The following MEIS2 variants were observed in gnomAD, a reference collection of about 807,000 sequenced individuals.
MEIS2 encodes the protein Meis homeobox 2.
A neutral mutation model predicts 58.6 loss-of-function variants in MEIS2; 9 were observed. The observed-to-expected ratio is 0.15, with a 90% CI of 0.09 to 0.27. The LOEUF (loss-of-function observed/expected upper bound fraction) is 0.27. Ranked by LOEUF, MEIS2 falls within the 10% of genes least tolerant of loss-of-function variation. The pLI is 1.00. For synonymous variants in MEIS2, 221 were observed against 228.4 expected (o/e 0.97, Z 0.29); for missense variants, 427 against 635.0 (o/e 0.67, Z 3.52).
intron 7 of MEIS2, among the ~76,000 whole-genome samples, chr15:37,046,064 C>T (rs1441341615): frequency 2.6e-5 from 4 of 152,210 alleles, no homozygotes; most frequent in African/African-American, 7.2e-5. Context: ...GCAAATTCAG[C>T]CTCAAATGGC....
At chr15:37,078,301 G>A (rs1165873433) in intron 7 of MEIS2, among the ~76,000 whole-genome samples, 2 of 151,964 alleles carry the variant, frequency 1.3e-5, no homozygotes, top group Non-Finnish European at 2.9e-5. Context: ...CCGGTGAGAA[G>A]TGGCAAGAAG....
intron 6 of MEIS2, among the ~76,000 whole-genome samples, chr15:37,088,704 A>G (rs1893177490): frequency 6.6e-6 from 1 of 152,184 alleles, no homozygotes; most frequent in Non-Finnish European, 1.5e-5. Context: ...CTTTGGGATT[A>G]ATATGTAAGC....
chr15:36,924,036 GTTCTGTGA>G (rs1421020534), intron 9 of MEIS2, among the ~76,000 whole-genome samples: 1 of 152,188 alleles, frequency 6.6e-6, no homozygotes, highest in Non-Finnish European at 1.5e-5. Flanking sequence ...CCTTTTTAAG[GTTCTGTGA>G]CCTGTGAAAC....
chr15:36,976,476 TATTATATTATTATATGTATATA>T (rs1362899064), intron 8 of MEIS2, among the ~76,000 whole-genome samples: 3 of 148,426 alleles, frequency 2.0e-5, no homozygotes, highest in South Asian at 2.1e-4. Context: ...ATGTATATTA[TATTATATTATTATATGTATATA>T]ATTATATTAT....
At chr15:36,969,844 A>T (rs2059473927) in intron 8 of MEIS2, among the ~76,000 whole-genome samples, 2 of 152,322 alleles carry the variant, frequency 1.3e-5, no homozygotes, top group South Asian at 4.1e-4. Flanking sequence ...ATGAAAAACA[A>T]TGTAAATTGC....
chr15:37,045,056 T>C (rs1258041609), intron 7 of MEIS2, among the ~76,000 whole-genome samples: 1 of 152,184 alleles, frequency 6.6e-6, no homozygotes, highest in Non-Finnish European at 1.5e-5. Flanking sequence ...GGCACTAGGT[T>C]ATCACCCACC....
intron 8 of MEIS2, among the ~76,000 whole-genome samples, chr15:36,952,938 T>G (rs1033426207): frequency 6.6e-6 from 1 of 152,046 alleles, no homozygotes; most frequent in African/African-American, 2.4e-5. Flanking sequence ...AAAAAATTGG[T>G]ACCTTACCAA....
chr15:36,981,841 C>A (rs1321855963), intron 8 of MEIS2, among the ~76,000 whole-genome samples: 1 of 152,078 alleles, frequency 6.6e-6, no homozygotes. Flanking sequence ...AGAGAATGGG[C>A]AAATTCTCCA....
intron 9 of MEIS2, among the ~76,000 whole-genome samples, chr15:36,939,892 G>A (rs960148200): frequency 2.6e-5 from 4 of 152,086 alleles, no homozygotes; most frequent in Non-Finnish European, 2.9e-5. Context: ...GGTATGGGAC[G>A]GGTAAGCTTT....
At chr15:37,093,369 T>C (rs1320959598) in intron 6 of MEIS2, among the ~76,000 whole-genome samples, 2 of 152,216 alleles carry the variant, frequency 1.3e-5, no homozygotes, top group African/African-American at 4.8e-5. Flanking sequence ...ACTCTGGTTT[T>C]TTGGCTCTCA....
intron 8 of MEIS2, among the ~76,000 whole-genome samples, chr15:37,029,127 G>A (rs1278751175): frequency 1.3e-5 from 2 of 152,136 alleles, no homozygotes; most frequent in East Asian, 1.9e-4. Flanking sequence ...ATTCACAGAT[G>A]TTTTCTCCTG....
intron 9 of MEIS2, among the ~76,000 whole-genome samples, chr15:36,928,300 T>C (rs2057828990): frequency 6.6e-6 from 1 of 152,072 alleles, no homozygotes; most frequent in Non-Finnish European, 1.5e-5. Flanking sequence ...GAACAGAAAA[T>C]GTGACATAAC....
At position 37,071,606 on chromosome 15, in the gene MEIS2, A is replaced by G. The variant is rs117529992; in HGVS notation, c.754+12165T>C. Among the ~76,000 whole-genome samples, 722 of 152,260 alleles carry G rather than the reference A, an allele frequency of 4.7e-3. 3 individuals carry two copies. The highest frequency in any genetic ancestry group is 7.3e-3 in the Non-Finnish European group (494 of 68,004). On this transcript the variant is annotated intron_variant, in intron 7 of 11. Coordinates refer to ENST00000561208, the MANE Select transcript of MEIS2 (RefSeq NM_170675.5). ...CTTACTATGAATGAGGCATAAAATT[A>G]CTATCATTTTACATAAATCACCTCA... is the stretch of plus-strand genomic sequence containing the variant.
chr15:37,078,828 C>G (rs1301189616), intron 7 of MEIS2, among the ~76,000 whole-genome samples: 1 of 151,902 alleles, frequency 6.6e-6, no homozygotes, highest in East Asian at 1.9e-4. Flanking sequence ...TAAACTCTAA[C>G]TGGCATCAGG....
At chr15:37,020,392 T>C (rs545024472) in intron 8 of MEIS2, among the ~76,000 whole-genome samples, 1 of 152,286 alleles carries the variant, frequency 6.6e-6, no homozygotes, top group South Asian at 2.1e-4. Flanking sequence ...CCGAAGCATA[T>C]GTAAAACTGA....
chr15:37,076,184 C>A (rs1319840586), intron 7 of MEIS2, among the ~76,000 whole-genome samples: 1 of 151,928 alleles, frequency 6.6e-6, no homozygotes, highest in Non-Finnish European at 1.5e-5. Context: ...AAGTGATTCT[C>A]CTACTACCCT....
At chr15:37,021,274 G>A (rs1261524620) in intron 8 of MEIS2, among the ~76,000 whole-genome samples, 1 of 152,118 alleles carries the variant, frequency 6.6e-6, no homozygotes, top group Non-Finnish European at 1.5e-5. Context: ...CCTGCTCCCA[G>A]CCCCTACCTA....
intron 6 of MEIS2, among the ~76,000 whole-genome samples, chr15:37,090,695 T>C (rs2141941397): frequency 6.6e-6 from 1 of 151,802 alleles, no homozygotes; most frequent in South Asian, 2.1e-4. Context: ...ACACACACAA[T>C]GAAGCTGGAT....
intron 7 of MEIS2, among the ~76,000 whole-genome samples, chr15:37,071,202 AG>A (rs1215464842): frequency 6.6e-6 from 1 of 152,132 alleles, no homozygotes; most frequent in African/African-American, 2.4e-5. Flanking sequence ...GGGGGCTAGA[AG>A]AGGGAGGAGA....
Sources: gnomAD v4.1 joint callset for allele counts (sites outside exome capture counted in the v4.1 genomes callset) on GRCh38, gnomAD v4.1.1 for gene constraint, MANE v1.5 for transcripts, NCBI Gene and HGNC (gene_info 2026-07-23, HGNC 2026-07-21) for gene names.